SGCZ: variants seen among roughly 807,000 people sequenced by gnomAD.
SGCZ encodes sarcoglycan zeta.
In SGCZ, 40 loss-of-function variants were observed where a neutral mutation model predicts 41.3. The ratio of observed to expected loss-of-function variants is 0.97; its 90% CI spans 0.75 to 1.26. The LOEUF (loss-of-function observed/expected upper bound fraction) is 1.26. SGCZ is among the 50% of genes most tolerant of loss of function. The pLI is 0.00. For missense variants in SGCZ, 552 were observed against 369.8 expected, an observed-to-expected ratio of 1.49 and a Z score of -4.04; for synonymous variants, 206 against 137.5, an observed-to-expected ratio of 1.50 and a Z score of -3.49.
intron 1 of SGCZ, among the ~76,000 whole-genome samples, chr8:14,555,656 A>C (rs1252641989): frequency 6.6e-6 from 1 of 152,026 alleles, no homozygotes; most frequent in Non-Finnish European, 1.5e-5. Context: ...ACACCAAGCT[A>C]CACTTAGACT....
At chr8:14,727,412 C>T (rs1291317858) in intron 1 of SGCZ, among the ~76,000 whole-genome samples, 1 of 152,094 alleles carries the variant, frequency 6.6e-6, no homozygotes, top group African/African-American at 2.4e-5. Flanking sequence ...CTTTGGAAAA[C>T]TGCTTGGCAA....
chr8:14,613,255 G>A (rs1459135036), intron 1 of SGCZ, among the ~76,000 whole-genome samples: 4 of 152,116 alleles, frequency 2.6e-5, no homozygotes, highest in African/African-American at 9.7e-5. Context: ...AATGTACTTT[G>A]CTATTCCAAC....
chr8:15,073,698 T>G (rs1805433218), intron 1 of SGCZ, among the ~76,000 whole-genome samples: 1 of 152,322 alleles, frequency 6.6e-6, no homozygotes, highest in Non-Finnish European at 1.5e-5. Context: ...AAACTCTGCC[T>G]GAGCTTCCAG....
chr8:15,057,570 G>A (rs1214058682), intron 1 of SGCZ, among the ~76,000 whole-genome samples: 4 of 152,042 alleles, frequency 2.6e-5, no homozygotes, highest in Admixed American at 2.6e-4. Flanking sequence ...AGCTTATGAA[G>A]CATTTACAAT....
chr8:15,185,445 G>C (rs1042202652), intron 1 of SGCZ, among the ~76,000 whole-genome samples: 4 of 152,180 alleles, frequency 2.6e-5, no homozygotes, highest in Non-Finnish European at 2.9e-5. Flanking sequence ...CTGAGACACT[G>C]CAAGATATCT....
At chr8:14,392,592 A>G (rs1346596003) in intron 2 of SGCZ, among the ~76,000 whole-genome samples, 2 of 152,182 alleles carry the variant, frequency 1.3e-5, no homozygotes, top group Admixed American at 6.6e-5. Context: ...CCTGCTTTGC[A>G]CACTGGTACC....
At chr8:14,373,717 G>C (rs564105675) in intron 2 of SGCZ, among the ~76,000 whole-genome samples, 23 of 152,252 alleles carry the variant, frequency 1.5e-4, no homozygotes, top group African/African-American at 5.3e-4. Flanking sequence ...GCAAAAGATA[G>C]AACAAAAGGC....
At chr8:14,797,115 C>T (rs561568252) in intron 1 of SGCZ, among the ~76,000 whole-genome samples, 1 of 151,836 alleles carries the variant, frequency 6.6e-6, no homozygotes, top group Non-Finnish European at 1.5e-5. Context: ...TATAAGGATA[C>T]CTGAAAATGT....
intron 2 of SGCZ, among the ~76,000 whole-genome samples, chr8:14,505,276 A>C (rs1802271939): frequency 6.6e-6 from 1 of 152,144 alleles, no homozygotes. Context: ...ATGTGTTTGA[A>C]TGTGTTTTTT....
At position 14,295,635 on chromosome 8, in the gene SGCZ, T is replaced by C. The variant is rs374361064; in HGVS notation, c.336+28468A>G. Among the ~76,000 whole-genome samples, 77 of 152,206 alleles carry C rather than the reference T, an allele frequency of 5.1e-4. No homozygotes were observed. In the East Asian group the frequency reaches 8.3e-3, roughly 16 times the overall value. On this transcript the variant is annotated intron_variant, in intron 3 of 7. Transcript: ENST00000382080. ...TGAGGGTAATATACATTTTTGGTCA[T>C]GGACAACAAAAAATACATAAATGTG...
intron 4 of SGCZ, among the ~76,000 whole-genome samples, chr8:14,188,627 C>T (rs1354325834): frequency 6.6e-6 from 1 of 152,010 alleles, no homozygotes; most frequent in Non-Finnish European, 1.5e-5. Flanking sequence ...ACTGTGGTGG[C>T]ACAATTCTGT....
chr8:15,132,764 C>G (rs1245948408), intron 1 of SGCZ, among the ~76,000 whole-genome samples: 1 of 152,170 alleles, frequency 6.6e-6, no homozygotes, highest in African/African-American at 2.4e-5. Flanking sequence ...TGGCAGTCAG[C>G]AAATGCTTCC....
chr8:14,919,308 G>A (rs1406309980), intron 1 of SGCZ, among the ~76,000 whole-genome samples: 1 of 152,028 alleles, frequency 6.6e-6, no homozygotes, highest in Non-Finnish European at 1.5e-5. Context: ...GGGTGTCGTG[G>A]CATGTGCCTA....
At chr8:14,874,935 A>T (rs767662448) in intron 1 of SGCZ, among the ~76,000 whole-genome samples, 3 of 152,176 alleles carry the variant, frequency 2.0e-5, no homozygotes, top group Non-Finnish European at 2.9e-5. Flanking sequence ...TGAGAAAAGA[A>T]GATAATGCTG....
intron 1 of SGCZ, among the ~76,000 whole-genome samples, chr8:14,873,526 A>T (rs1464151249): frequency 6.6e-6 from 1 of 152,090 alleles, no homozygotes; most frequent in Admixed American, 6.6e-5. Context: ...GAACACACAG[A>T]TGTCAATCAC....
At chr8:14,628,840 C>G (rs1020707424) in intron 1 of SGCZ, among the ~76,000 whole-genome samples, 4 of 152,100 alleles carry the variant, frequency 2.6e-5, no homozygotes, top group Admixed American at 6.6e-5. Context: ...CTTTCCTTGG[C>G]TACACAGCCT....
intron 1 of SGCZ, among the ~76,000 whole-genome samples, chr8:15,055,188 C>T (rs1005631158): frequency 1.3e-5 from 2 of 152,128 alleles, no homozygotes; most frequent in Admixed American, 6.5e-5. Flanking sequence ...GCTGTGCAAA[C>T]TTGAATACAT....
At chr8:14,884,963 A>T (rs117989456) in intron 1 of SGCZ, among the ~76,000 whole-genome samples, 7,510 of 152,068 alleles carry the variant, frequency 0.049, 217 homozygotes, top group Non-Finnish European at 0.061. Flanking sequence ...ATCTTTCTTC[A>T]TTCCAGAAAA....
chr8:14,095,650 G>A (rs544428087), intron 7 of SGCZ, among the ~76,000 whole-genome samples: 2 of 152,216 alleles, frequency 1.3e-5, no homozygotes, highest in East Asian at 3.9e-4. Flanking sequence ...AATGTCAATG[G>A]CAGCTTGATG....
Sources: allele counts gnomAD v4.1 joint callset (sites outside exome capture counted in the v4.1 genomes callset), GRCh38; gene constraint gnomAD v4.1.1; transcripts MANE v1.5; gene names NCBI Gene and HGNC (gene_info 2026-07-23, HGNC 2026-07-21).